Variants in CSNK2A1 observed in about 807,000 individuals in gnomAD.
CSNK2A1 encodes casein kinase II subunit alpha.
In CSNK2A1, 10 loss-of-function variants were observed where a neutral mutation model predicts 62.9. The ratio of observed to expected loss-of-function variants is 0.16; its 90% CI spans 0.10 to 0.27. The LOEUF (loss-of-function observed/expected upper bound fraction) is 0.27. Ranked by LOEUF, CSNK2A1 falls within the 10% of genes least tolerant of loss-of-function variation. The pLI, the probability that CSNK2A1 is intolerant of heterozygous loss-of-function variation, is 1.00. For synonymous variants in CSNK2A1, 124 were observed against 167.8 expected, an observed-to-expected ratio of 0.74 and a Z score of 2.02; for missense variants, 160 against 492.0, an observed-to-expected ratio of 0.33 and a Z score of 6.38.
chr20:503,313 A>T (rs1388435388), intron 4 of CSNK2A1: 1 of 394,344 alleles, frequency 2.5e-6, no homozygotes, highest in Non-Finnish European at 4.5e-6. Flanking sequence ...CTCAGCCAAC[A>T]TTCTTTTTAA....
chr20:541,528 A>T (rs775736472), intron 1 of CSNK2A1, among the ~76,000 whole-genome samples: 4 of 152,230 alleles, frequency 2.6e-5, no homozygotes, highest in Non-Finnish European at 4.4e-5. Context: ...ATGTGACACA[A>T]AGATGTATGT....
chr20:482,917 G>C lies in CSNK2A1; in HGVS notation c.*1044C>G, dbSNP rs1159166270. The C allele has an allele frequency of 6.6e-6, 1 of 152,610 alleles. No individual in the cohort carries two copies. The highest frequency in any genetic ancestry group is 6.5e-5 in the Admixed American group (1 of 15,280). 9.5% of individuals were successfully genotyped at this position (152,610 alleles called of 1,614,324 possible). ...GATACATTTACAAGACTGAGGAGCA[G>C]GTCTTCTCACTGGATGGCATGTGAG... On this transcript the variant is annotated 3_prime_UTR_variant, in exon 14 of 14. Transcript: ENST00000217244.
Position 517,679 on chromosome 20 carries a change from CG to C in CSNK2A1, c.-109-9020del, listed in dbSNP as rs572867237. On this transcript the variant is annotated intron_variant, in intron 2 of 13. Coordinates refer to ENST00000217244, the MANE Select transcript of CSNK2A1 (RefSeq NM_177559.3). The stretch of plus-strand genomic sequence containing the variant: ...AACATTAAAACAAGAAATTGCAAAG[CG>C]TAACACTTTAAAGCAAGTTAAGAAT... 2.0e-4 allele frequency among the ~76,000 whole-genome samples: 30 copies of C among 152,134 alleles called. No homozygotes were observed. In the East Asian group the frequency reaches 4.8e-3, roughly 24 times the overall value.
At chr20:528,509 A>G (rs2019144102) in intron 1 of CSNK2A1, among the ~76,000 whole-genome samples, 1 of 152,144 alleles carries the variant, frequency 6.6e-6, no homozygotes, top group African/African-American at 2.4e-5. Flanking sequence ...TTGACCTCCC[A>G]GGCTCAAGCA....
chr20:524,537 C>T (rs559316969), intron 2 of CSNK2A1, among the ~76,000 whole-genome samples: 1 of 149,842 alleles, frequency 6.7e-6, no homozygotes, highest in Non-Finnish European at 1.5e-5. Context: ...CACAGCGAAA[C>T]CTCATCTCTA....
chr20:492,758 T>G (rs2018261754), intron 8 of CSNK2A1: 1 of 168,628 alleles, frequency 5.9e-6, no homozygotes, highest in Non-Finnish European at 1.3e-5. Flanking sequence ...CCTAAACTCT[T>G]TATGTTTTCT....
At chr20:534,188 A>G (rs2019266532) in intron 1 of CSNK2A1, among the ~76,000 whole-genome samples, 1 of 152,228 alleles carries the variant, frequency 6.6e-6, no homozygotes, top group South Asian at 2.1e-4. Flanking sequence ...AAACAACAGG[A>G]TTACTAAGTG....
intron 1 of CSNK2A1, among the ~76,000 whole-genome samples, chr20:528,821 A>C (rs1244690892): frequency 6.6e-6 from 1 of 152,184 alleles, no homozygotes; most frequent in Admixed American, 6.5e-5. Flanking sequence ...CTCATTTTAC[A>C]GAAGGCAAAA....
chr20:542,031 C>T (rs1003332081), intron 1 of CSNK2A1, among the ~76,000 whole-genome samples: 5 of 152,144 alleles, frequency 3.3e-5, no homozygotes, highest in Non-Finnish European at 5.9e-5. Flanking sequence ...TACAACAAAA[C>T]CCTACAACAA....
intron 2 of CSNK2A1, among the ~76,000 whole-genome samples, chr20:524,589 G>A (rs1201273104): frequency 1.3e-5 from 2 of 149,334 alleles, no homozygotes; most frequent in Non-Finnish European, 3.0e-5. Flanking sequence ...AATTAGCTGG[G>A]TGTGGTGGCG....
Position 488,780 on chromosome 20 carries a change from T to C in CSNK2A1, c.724-2A>G. 6.2e-7 allele frequency: 1 copy of C among 1,609,968 alleles called. No individual in the cohort carries two copies. The highest frequency in any genetic ancestry group is 8.5e-7 in the Non-Finnish European group (1 of 1,178,166). ...CAGAACCTTGGCTATCCTCACCAAC[T>C]AGTATTAAAGAAAGACAAAAACCCA... On this transcript the variant is annotated splice_acceptor_variant, in intron 10 of 13. Coordinates refer to ENST00000217244, the MANE Select transcript of CSNK2A1 (RefSeq NM_177559.3). LOFTEE classifies it high-confidence loss of function.
chr20:488,029 C>G (rs896591237), intron 11 of CSNK2A1: 18 of 169,418 alleles, frequency 1.1e-4, no homozygotes, highest in Non-Finnish European at 1.9e-4. Context: ...AGTCGGTTGT[C>G]TGCATATAGC....
intron 1 of CSNK2A1, chr20:539,207 G>A (rs779852812): frequency 6.6e-6 from 1 of 152,232 alleles, no homozygotes; most frequent in Non-Finnish European, 1.5e-5. Flanking sequence ...ACAGAAGTCA[G>A]TGGGCTTGAC....
At chr20:530,144 G>A (rs539337465) in intron 1 of CSNK2A1, among the ~76,000 whole-genome samples, 1 of 152,180 alleles carries the variant, frequency 6.6e-6, no homozygotes, top group East Asian at 1.9e-4. Context: ...TACCTCAGAG[G>A]ATTAACTCCC....
At chr20:498,776 T>C (rs1381756508) in intron 6 of CSNK2A1, 1 of 152,270 alleles carries the variant, frequency 6.6e-6, no homozygotes, top group African/African-American at 2.4e-5. Flanking sequence ...TTCTGAGATA[T>C]CTCTTATAGA....
At position 476,027 on chromosome 20, in the gene CSNK2A1, T is replaced by C. The variant is rs551179651; in HGVS notation, c.*7934A>G. 1.3e-5 allele frequency: 2 copies of C among 152,318 alleles called. No homozygotes were observed. Among genetic ancestry groups the C allele is most frequent in the Admixed American group, 6.5e-5 (1 of 15,294 alleles). The allele number at this position is 152,318 out of a possible 1,614,324, so 9.4% of individuals were successfully genotyped here. A position where few individuals can be genotyped will look rare whatever the true frequency, so the allele number is the denominator to read the frequency against. On this transcript the variant is annotated 3_prime_UTR_variant, in exon 14 of 14. Transcript: ENST00000217244. The stretch of plus-strand genomic sequence containing the variant: ...AACAAAAGCAAAAGAAAGAAAAAAT[T>C]TGTCTGCAATGACTGGCTAGGAACC...
Position 484,057 on chromosome 20 carries a change from G to A in CSNK2A1, c.1080C>T (p.Thr360=), listed in dbSNP as rs61745777. Residue 360 remains threonine (T), a synonymous_variant, in exon 14 of 14, where the codon ACC becomes ACT. Transcript: ENST00000217244. ...CTGCCAGAGGTCCAAGGGGTGAAGG[G>A]GTTGGCACTGAAGAAATCCCTGAAA... ...NMMSGISSVP[T]PSPLGPLAGS... The A allele has an allele frequency of 6.2e-7, 1 of 1,608,070 alleles. No individual in the cohort carries two copies. Among genetic ancestry groups the A allele is most frequent in the Non-Finnish European group, 8.5e-7 (1 of 1,177,456 alleles).
At chr20:486,240 T>TTCCTG in intron 13 of CSNK2A1, 136 bp downstream of exon 13, 1 of 852,564 alleles carries the variant, frequency 1.2e-6, no homozygotes, top group Non-Finnish European at 1.8e-6. Context: ...ATGTCAAGCA[T>TTCCTG]GCTGAAACCT....
At chr20:490,318 T>A (rs547983304) in intron 9 of CSNK2A1, among the ~76,000 whole-genome samples, 3 of 140,442 alleles carry the variant, frequency 2.1e-5, no homozygotes, top group Non-Finnish European at 3.0e-5. Flanking sequence ...TGACCCACCG[T>A]GCCTGGCTAG....
Sources: allele counts gnomAD v4.1 joint callset (sites outside exome capture counted in the v4.1 genomes callset), GRCh38; gene constraint gnomAD v4.1.1; transcripts MANE v1.5; gene names NCBI Gene and HGNC (gene_info 2026-07-23, HGNC 2026-07-21).